The following ACADM variants were observed in gnomAD, a reference collection of about 807,000 sequenced individuals.
The protein encoded by ACADM is acyl-CoA dehydrogenase medium chain.
In ACADM, 49 loss-of-function variants were observed where a neutral mutation model predicts 58.9. The ratio of observed to expected loss-of-function variants is 0.83; its 90% CI spans 0.66 to 1.06. The LOEUF is 1.06. Ranked by LOEUF, ACADM falls within the 50% of genes least tolerant of loss-of-function variation. ACADM has a pLI of 0.00. For synonymous variants in ACADM, 160 were observed against 157.7 expected (o/e 1.01, Z -0.11); for missense variants, 496 against 507.0 (o/e 0.98, Z 0.21).
intron 8 of ACADM, 140 bp from the exon 9 acceptor site, chr1:75,749,279 C>T (rs1648066930): frequency 1.3e-6 from 1 of 799,424 alleles, no homozygotes; most frequent in South Asian, 1.7e-5. Context: ...ATCAGGCTTT[C>T]TTTGCAAAAC....
chr1:75,745,121 C>A (rs1647823469), intron 7 of ACADM, among the ~76,000 whole-genome samples: 3 of 152,012 alleles, frequency 2.0e-5, no homozygotes, highest in Admixed American at 2.0e-4. Flanking sequence ...AAAGTTTAAT[C>A]TATAAAGTGG....
At chr1:75,733,383 C>A in intron 4 of ACADM, 145 bp from the exon 5 acceptor site, 1 of 966,966 alleles carries the variant, frequency 1.0e-6, no homozygotes. Context: ...CTTATTGTGC[C>A]AGCCAGAACA....
intron 6 of ACADM, among the ~76,000 whole-genome samples, chr1:75,737,024 T>G (rs1378515493): frequency 2.6e-5 from 4 of 151,950 alleles, no homozygotes; most frequent in African/African-American, 9.7e-5. Flanking sequence ...ATGCTATAAA[T>G]TGTTTCACTT....
intron 1 of ACADM, among the ~76,000 whole-genome samples, chr1:75,727,496 C>T (rs984707794): frequency 6.6e-6 from 1 of 152,126 alleles, no homozygotes; most frequent in African/African-American, 2.4e-5. Flanking sequence ...CATTGTGGTT[C>T]CCAGTTTGGC....
intron 6 of ACADM, among the ~76,000 whole-genome samples, chr1:75,737,964 C>T (rs781578722): frequency 9.3e-5 from 14 of 151,108 alleles, no homozygotes; most frequent in Admixed American, 6.6e-5. Context: ...TTGCCCAGGT[C>T]GGAGTGCAGT....
intron 1 of ACADM, among the ~76,000 whole-genome samples, chr1:75,726,604 A>G (rs1238252762): frequency 6.6e-6 from 1 of 152,152 alleles, no homozygotes; most frequent in East Asian, 1.9e-4. Context: ...TGGTTGCACT[A>G]ATAGTAGAGT....
chr1:75,734,508 T>C lies in ACADM; in HGVS notation c.388-283T>C, dbSNP rs978755063. ...AATTCTTAGGCCTGATCATACATAC[T>C]GTGTCACATATTCTAAACATAATTT... On this transcript the variant is annotated intron_variant, in intron 5 of 11. Transcript: ENST00000370841. 2.6e-5 allele frequency: 10 copies of C among 383,092 alleles called. No homozygotes were observed. In the Admixed American group the frequency reaches 3.8e-4, roughly 14 times the overall value. The allele number at this position is 383,092 out of a possible 1,614,324, so 23.7% of individuals were successfully genotyped here.
chr1:75,735,142 C>A (rs991898546), intron 6 of ACADM, among the ~76,000 whole-genome samples: 1 of 151,626 alleles, frequency 6.6e-6, no homozygotes, highest in Non-Finnish European at 1.5e-5. Context: ...GTGGTGAAAC[C>A]CCATCTCTAC....
chr1:75,754,245 T>C (rs1216780792), intron 10 of ACADM, among the ~76,000 whole-genome samples: 1 of 151,042 alleles, frequency 6.6e-6, no homozygotes, highest in Non-Finnish European at 1.5e-5. Context: ...TCTTACTCTG[T>C]TGCCCAGGCT....
rs779833538 is a variant in ACADM at position 75,745,769 on chromosome 1, G to A, written c.600-37G>A. On this transcript the variant is annotated intron_variant, in intron 7 of 11. Transcript: ENST00000370841. ...GAGCAATCACCATGTGTTATTTGCC[G>A]ATATTATCACCATTATCCGGTATGT... is the stretch of plus-strand genomic sequence containing the variant. 1.3e-5 allele frequency: 19 copies of A among 1,437,846 alleles called. No homozygotes were observed. The Middle Eastern group carries it at 6.9e-4, about 52-fold the overall frequency. The allele number at this position is 1,437,846 out of a possible 1,614,324, so 89.1% of individuals were successfully genotyped here.
At chr1:75,750,964 G>A (rs61799967) in intron 10 of ACADM, 64,466 of 269,152 alleles carry the variant, frequency 0.24, 8,473 homozygotes, top group Non-Finnish European at 0.29. Flanking sequence ...GGCCAGGCTG[G>A]TCTCGATCTG....
intron 7 of ACADM, among the ~76,000 whole-genome samples, chr1:75,741,116 A>G (rs1647542782): frequency 6.6e-6 from 1 of 152,236 alleles, no homozygotes; most frequent in African/African-American, 2.4e-5. Flanking sequence ...CATCACTACA[A>G]GTATATAGAG....
intron 7 of ACADM, among the ~76,000 whole-genome samples, chr1:75,744,982 A>C (rs1647810556): frequency 6.6e-6 from 1 of 152,184 alleles, no homozygotes; most frequent in South Asian, 2.1e-4. Context: ...AAGAAAGTTA[A>C]ATAGCATACT....
At chr1:75,759,656 C>CTTTTTTTTTTTTTTTTTTTTTTTTT (rs34394777) in intron 10 of ACADM, among the ~76,000 whole-genome samples, 1 of 87,582 alleles carries the variant, frequency 1.1e-5, no homozygotes, top group Non-Finnish European at 2.2e-5. Context: ...TAGCAACTTT[C>CTTTTTTTTTTTTTTTTTTTTTTTTT]TTTTTTTTTT....
chr1:75,735,711 G>C (rs1336633761), intron 6 of ACADM, among the ~76,000 whole-genome samples: 2 of 152,008 alleles, frequency 1.3e-5, no homozygotes, highest in African/African-American at 4.8e-5. Context: ...AAATTAGCTG[G>C]ATGTGGTGGC....
chr1:75,755,661 A>C (rs1031283071), intron 10 of ACADM, among the ~76,000 whole-genome samples: 2 of 152,222 alleles, frequency 1.3e-5, no homozygotes, highest in African/African-American at 4.8e-5. Context: ...ATGGGGAGAA[A>C]CCAGAGCAGA....
At chr1:75,745,210 G>A (rs1303020196) in intron 7 of ACADM, among the ~76,000 whole-genome samples, 3 of 152,162 alleles carry the variant, frequency 2.0e-5, no homozygotes, top group Non-Finnish European at 1.5e-5. Flanking sequence ...ATGTAGGCCA[G>A]GCATGGTGGC....
At chr1:75,729,746 T>TG (rs145024038) in intron 2 of ACADM, among the ~76,000 whole-genome samples, 36,596 of 148,684 alleles carry the variant, frequency 0.25, 4,817 homozygotes, top group Non-Finnish European at 0.31. Context: ...CACCCACCTC[T>TG]GCCTCCCAAA....
intron 7 of ACADM, 92 bp downstream of exon 7, chr1:75,740,202 T>C: frequency 7.6e-7 from 1 of 1,321,126 alleles, no homozygotes; most frequent in Admixed American, 1.8e-5. Context: ...ACCACTACAG[T>C]TAAGGTATGT....
Sources: gnomAD v4.1 joint callset for allele counts (sites outside exome capture counted in the v4.1 genomes callset) on GRCh38, gnomAD v4.1.1 for gene constraint, MANE v1.5 for transcripts, NCBI Gene and HGNC (gene_info 2026-07-23, HGNC 2026-07-21) for gene names.